Variants in UNC13C observed in about 807,000 individuals in gnomAD.
UNC13C encodes the protein unc-13 homolog C, also known as protein unc-13 homolog C.
In UNC13C, 174 loss-of-function variants were observed where a neutral mutation model predicts 245.4. The observed-to-expected ratio is 0.71, with a 90% CI of 0.63 to 0.80. The LOEUF (loss-of-function observed/expected upper bound fraction) is 0.80. Ranked by LOEUF, UNC13C falls within the 30% of genes least tolerant of loss-of-function variation. The pLI is 0.00. For missense variants in UNC13C, 2,829 were observed against 2,602.9 expected (o/e 1.09, Z -1.89); for synonymous variants, 992 against 895.1 (o/e 1.11, Z -1.93).
At chr15:54,209,990 A>C (rs1203125724) in intron 4 of UNC13C, among the ~76,000 whole-genome samples, 1 of 151,964 alleles carries the variant, frequency 6.6e-6, no homozygotes, top group African/African-American at 2.4e-5. Flanking sequence ...TTTTTGAATC[A>C]ATTTTCTCTA....
At chr15:53,948,832 G>A in the UNC13C span, among the ~76,000 whole-genome samples, 1 of 151,986 alleles carries the variant, frequency 6.6e-6, no homozygotes, top group Non-Finnish European at 1.5e-5. Context: ...AGGAAGTATG[G>A]AGAGACCTGA....
intron 31 of UNC13C, among the ~76,000 whole-genome samples, 181 bp downstream of exon 31, chr15:54,622,600 G>A (rs1900865954): frequency 6.6e-6 from 1 of 152,284 alleles, no homozygotes; most frequent in African/African-American, 2.4e-5. Context: ...TGGCACTAAT[G>A]TTTAGCATGC....
the UNC13C span, among the ~76,000 whole-genome samples, chr15:53,862,330 T>C: frequency 1.3e-5 from 2 of 152,028 alleles, no homozygotes; most frequent in Non-Finnish European, 1.5e-5. Context: ...AAATTACAAG[T>C]TTTTTTCTAG....
intron 17 of UNC13C, among the ~76,000 whole-genome samples, chr15:54,346,006 A>G (rs1174077708): frequency 6.6e-6 from 1 of 152,118 alleles, no homozygotes; most frequent in African/African-American, 2.4e-5. Flanking sequence ...GAAAGCCTTT[A>G]TACCTCTTCT....
At chr15:54,428,052 G>C (rs2040795182) in intron 19 of UNC13C, among the ~76,000 whole-genome samples, 2 of 151,752 alleles carry the variant, frequency 1.3e-5, no homozygotes, top group Non-Finnish European at 2.9e-5. Flanking sequence ...GCCTAGATGT[G>C]AATAATACCT....
chr15:54,095,233 A>C (rs1256458823), intron 2 of UNC13C, among the ~76,000 whole-genome samples: 2 of 152,152 alleles, frequency 1.3e-5, no homozygotes, highest in African/African-American at 2.4e-5. Flanking sequence ...GACATACAAC[A>C]TACAAATCAA....
intron 10 of UNC13C, among the ~76,000 whole-genome samples, chr15:54,274,478 A>C (rs1421482959): frequency 6.6e-6 from 1 of 152,096 alleles, no homozygotes. Context: ...CAAATGAGAA[A>C]CCTTTGGGAG....
intron 18 of UNC13C, among the ~76,000 whole-genome samples, chr15:54,399,537 A>G (rs2040138669): frequency 6.6e-6 from 1 of 151,884 alleles, no homozygotes; most frequent in South Asian, 2.1e-4. Context: ...GCATTGTACT[A>G]TAACATGTAA....
chr15:54,182,220 T>C (rs1225948143), intron 4 of UNC13C, among the ~76,000 whole-genome samples: 1 of 152,052 alleles, frequency 6.6e-6, no homozygotes, highest in East Asian at 1.9e-4. Flanking sequence ...CGATGCCTAG[T>C]TTCTTAAGTT....
chr15:53,923,230 A>G, the UNC13C span, among the ~76,000 whole-genome samples: 1 of 152,248 alleles, frequency 6.6e-6, no homozygotes, highest in African/African-American at 2.4e-5. Context: ...GCCCTTAGCT[A>G]TACCACTCAC....
intron 17 of UNC13C, among the ~76,000 whole-genome samples, chr15:54,343,866 G>C (rs1177494948): frequency 6.6e-6 from 1 of 151,886 alleles, no homozygotes; most frequent in East Asian, 1.9e-4. Context: ...TTACTGGATA[G>C]AAATTACTAA....
intron 10 of UNC13C, among the ~76,000 whole-genome samples, chr15:54,272,574 C>A (rs889620567): frequency 6.6e-6 from 1 of 152,118 alleles, no homozygotes; most frequent in Non-Finnish European, 1.5e-5. Context: ...GTTTCTAAAG[C>A]AAGGAGTTTA....
At chr15:54,453,682 T>C (rs1329624633) in intron 19 of UNC13C, among the ~76,000 whole-genome samples, 1 of 152,212 alleles carries the variant, frequency 6.6e-6, no homozygotes, top group African/African-American at 2.4e-5. Flanking sequence ...TTGAAATATA[T>C]TGACAAATTT....
the UNC13C span, among the ~76,000 whole-genome samples, chr15:53,894,395 G>A: frequency 9.8e-5 from 15 of 152,310 alleles, no homozygotes; most frequent in South Asian, 8.3e-4. Context: ...GGCAGACACC[G>A]TAGGTTGGCT....
chr15:53,850,952 G>C, the UNC13C span, among the ~76,000 whole-genome samples: 1 of 151,230 alleles, frequency 6.6e-6, no homozygotes. Flanking sequence ...TACTTATGCA[G>C]TGTCTAATCT....
At chr15:53,880,960 A>T in the UNC13C span, among the ~76,000 whole-genome samples, 1 of 152,142 alleles carries the variant, frequency 6.6e-6, no homozygotes, top group East Asian at 1.9e-4. Flanking sequence ...GAGAGAAAAG[A>T]GCTGAATTGG....
chr15:53,926,120 GT>G, the UNC13C span, among the ~76,000 whole-genome samples: 59 of 147,652 alleles, frequency 4.0e-4, no homozygotes, highest in Non-Finnish European at 6.5e-4. Flanking sequence ...TTTAGTTTTT[GT>G]TTTTTTTTTC....
At chr15:53,875,934 G>T in the UNC13C span, among the ~76,000 whole-genome samples, 11 of 152,160 alleles carry the variant, frequency 7.2e-5, no homozygotes, top group Non-Finnish European at 1.6e-4. Context: ...ACAAAAGGTG[G>T]TAAGGAAAGG....
At chr15:54,549,788 GGATT>G (rs1450185885) in intron 28 of UNC13C, 97 bp downstream of exon 28, 2 of 739,220 alleles carry the variant, frequency 2.7e-6, no homozygotes, top group Non-Finnish European at 4.4e-6. Flanking sequence ...TAGCATGGCA[GGATT>G]AAGAAGATGT....
Sources: allele counts gnomAD v4.1 joint callset (sites outside exome capture counted in the v4.1 genomes callset), GRCh38; gene constraint gnomAD v4.1.1; transcripts MANE v1.5; gene names NCBI Gene and HGNC (gene_info 2026-07-23, HGNC 2026-07-21).